Variants in SRGAP3 observed in about 807,000 individuals in gnomAD.
SRGAP3 encodes SLIT-ROBO Rho GTPase activating protein 3.
A neutral mutation model predicts 121.1 loss-of-function variants in SRGAP3; 39 were observed. That is an observed-to-expected ratio of 0.32 (90% CI 0.25 to 0.42). SRGAP3 has a LOEUF of 0.42. Among genes scored for constraint, SRGAP3 ranks in the 10% least tolerant of loss-of-function variants. SRGAP3 has a pLI of 1.00. For synonymous variants in SRGAP3, 601 were observed against 570.0 expected (o/e 1.05, Z -0.77); for missense variants, 1,213 against 1,470.6 (o/e 0.82, Z 2.86).
upstream of SRGAP3, among the ~76,000 whole-genome samples, chr3:9,253,537 A>G (rs190042757): frequency 5.3e-4 from 81 of 152,160 alleles, no homozygotes; most frequent in Non-Finnish European, 1.2e-4. Flanking sequence ...TTTTTGGTTG[A>G]AAGTACTTTT....
chr3:9,262,825 T>A (rs1294111611), intron 3 of SRGAP3, among the ~76,000 whole-genome samples: 3 of 152,010 alleles, frequency 2.0e-5, no homozygotes, highest in Non-Finnish European at 4.4e-5. Flanking sequence ...AACAGAAAAT[T>A]AACAAGGATA....
rs772883296 is a variant in SRGAP3 at position 9,060,261 on chromosome 3, G to A, written c.771C>T (p.Tyr257=). 28 of 1,614,152 alleles carry A rather than the reference G, an allele frequency of 1.7e-5. No homozygotes were observed. The highest frequency in any genetic ancestry group is 1.6e-4 in the South Asian group (15 of 91,088). Residue 257 remains tyrosine (Y), a synonymous_variant, in exon 6 of 22, where the codon TAC becomes TAT. Coordinates refer to ENST00000383836, the MANE Select transcript of SRGAP3 (RefSeq NM_014850.4). ...TCAGATCAGAGACATCATGGATGTA[G>A]TATTTGCTTATAGCTGCGTTGGTGG... is the stretch of plus-strand genomic sequence containing the variant. The part of the protein sequence containing the change: ...LAATNAAISK[Y]YIHDVSDLID...
intron 18 of SRGAP3, among the ~76,000 whole-genome samples, chr3:8,998,123 G>A (rs1039531892): frequency 1.3e-5 from 2 of 152,030 alleles, no homozygotes; most frequent in African/African-American, 2.4e-5. Context: ...TTCTGGACTC[G>A]AGTGATCCTC....
At chr3:9,130,742 T>G (rs915016282) in intron 1 of SRGAP3, among the ~76,000 whole-genome samples, 5 of 152,250 alleles carry the variant, frequency 3.3e-5, no homozygotes, top group African/African-American at 1.2e-4. Flanking sequence ...GCATTCTTTT[T>G]GTAGCAAGAT....
intron 2 of SRGAP3, among the ~76,000 whole-genome samples, chr3:9,119,140 G>A (rs140542223): frequency 0.01 from 1,549 of 152,224 alleles, 33 homozygotes; most frequent in African/African-American, 0.035. Context: ...TGACAATACA[G>A]GGCTGTAGCT....
intron 1 of SRGAP3, among the ~76,000 whole-genome samples, chr3:9,187,817 G>A (rs1440454034): frequency 4.6e-5 from 7 of 152,282 alleles, no homozygotes; most frequent in South Asian, 2.1e-4. Flanking sequence ...GGCCGTGTAC[G>A]ACGTGACTTA....
At chr3:9,362,691 A>G (rs1265577157) in intron 1 of SRGAP3, 2 of 152,164 alleles carry the variant, frequency 1.3e-5, no homozygotes, top group African/African-American at 4.8e-5. Context: ...ATCAGGAACT[A>G]GTGGCATGAC....
chr3:9,056,302 C>T lies in SRGAP3; in HGVS notation c.1056G>A (p.Gln352=). 2 of 1,613,800 alleles carry T rather than the reference C, an allele frequency of 1.2e-6. No homozygotes were observed. Among genetic ancestry groups the T allele is most frequent in the Non-Finnish European group, 1.7e-6 (2 of 1,179,992 alleles). ...VCQVSAQQPV[Q]TELLMRYHQL... is the part of the protein sequence containing the mutation. The stretch of plus-strand genomic sequence containing the variant: ...GGTGATAACGCATGAGCAGTTCTGT[C>T]TGGACGGGCTGCTGAGCGCTGACCT... The change falls in exon 8 of 22, where the codon CAG becomes CAA. Residue 352 remains glutamine, a synonymous_variant. Transcript: ENST00000383836.
rs1026258538 is a variant in SRGAP3, at chr3:8,987,589, T to C, written c.2887-1657A>G. Reference sequence around the variant, plus strand: ...GCCACATGGCAGGCTTCAATCTGGCTGGGGTCAGGGCCCAGAGCTCTTGCT... The same window carrying C: ...GCCACATGGCAGGCTTCAATCTGGCCGGGGTCAGGGCCCAGAGCTCTTGCT... On this transcript the variant is annotated intron_variant, in intron 21 of 21. Transcript: ENST00000383836. Among the ~76,000 whole-genome samples the C allele has an allele frequency of 4.5e-4, 58 of 129,656 alleles. 1 individual carries two copies. Among genetic ancestry groups the C allele is most frequent in the Non-Finnish European group, 5.5e-4 (37 of 67,760 alleles). 85.1% of individuals were successfully genotyped at this position (129,656 alleles called of 152,430 possible). A position where few individuals can be genotyped will look rare whatever the true frequency, so the allele number is the denominator to read the frequency against.
intron 3 of SRGAP3, among the ~76,000 whole-genome samples, chr3:9,268,892 G>T (rs905453052): frequency 2.6e-5 from 4 of 152,124 alleles, no homozygotes; most frequent in African/African-American, 9.7e-5. Context: ...TGATATAGGT[G>T]CCTCTTGCTC....
rs776913830 is a variant in SRGAP3 at position 8,985,647 on chromosome 3, G to A, written c.3172C>T (p.Arg1058Trp). 13 of 1,595,324 alleles carry A rather than the reference G, an allele frequency of 8.1e-6. No individual in the cohort carries two copies. The highest frequency in any genetic ancestry group is 1.1e-5 in the Non-Finnish European group (13 of 1,177,798). ...TGCTGGACCACCGGCCGCACGGGCC[G>A]CATGGGGGGCGGGCGGAGCTGGGCG... ...AGAQLRPPPMRPVRPVVQHRS... is the reference protein window; with the variant it reads ...AGAQLRPPPMWPVRPVVQHRS... The change falls in exon 22 of 22, where the codon CGG becomes TGG. Residue 1058 changes from arginine (R) to tryptophan (W), a missense_variant. By Grantham distance (101) the Arg-to-Trp change is moderately radical (BLOSUM62 -3). Around this residue, in one of 2 missense-constraint regions of SRGAP3, gnomAD observed 420 missense variants for 437.7 expected, o/e 0.96. Coordinates refer to ENST00000383836, the MANE Select transcript of SRGAP3 (RefSeq NM_014850.4). The surrounding 1 kb of genome is among the most constrained non-coding windows in gnomAD (Gnocchi z 5.1).
chr3:9,171,900 G>A (rs1217135300), intron 1 of SRGAP3, among the ~76,000 whole-genome samples: 1 of 152,084 alleles, frequency 6.6e-6, no homozygotes, highest in Non-Finnish European at 1.5e-5. Context: ...CCAAGGCTGT[G>A]AGGGTGAATC....
At chr3:9,242,406 G>A (rs143847405) in intron 1 of SRGAP3, among the ~76,000 whole-genome samples, 6,758 of 152,306 alleles carry the variant, frequency 0.044, 163 homozygotes, top group South Asian at 0.098. Flanking sequence ...AGGCCGAGGC[G>A]GGTGGATCAC....
intron 3 of SRGAP3, among the ~76,000 whole-genome samples, chr3:9,273,177 GT>G (rs1367715800): frequency 6.6e-6 from 1 of 152,166 alleles, no homozygotes; most frequent in Non-Finnish European, 1.5e-5. Flanking sequence ...TCACAATAGG[GT>G]TTGCGCTCCT....
intron 1 of SRGAP3, chr3:9,349,196 C>A: frequency 7.2e-6 from 5 of 695,700 alleles, no homozygotes; most frequent in Non-Finnish European, 1.3e-5. Flanking sequence ...GAAGTAAAGG[C>A]CAGCGGGCAG....
chr3:9,090,570 G>A (rs1947711382), intron 3 of SRGAP3, among the ~76,000 whole-genome samples: 1 of 152,272 alleles, frequency 6.6e-6, no homozygotes, highest in Non-Finnish European at 1.5e-5. Context: ...GCTTTTTAGG[G>A]AAAACTCTCA....
intron 1 of SRGAP3, among the ~76,000 whole-genome samples, chr3:9,126,772 G>A (rs1949250227): frequency 6.6e-6 from 1 of 152,092 alleles, no homozygotes; most frequent in South Asian, 2.1e-4. Flanking sequence ...AGACTCAGAA[G>A]GGTGAGGGGG....
chr3:9,358,247 C>T (rs1313481844), intron 1 of SRGAP3, among the ~76,000 whole-genome samples: 1 of 151,870 alleles, frequency 6.6e-6, no homozygotes, highest in South Asian at 2.1e-4. Context: ...CCCCCTACTT[C>T]CCCCAGCCCT....
intron 1 of SRGAP3, among the ~76,000 whole-genome samples, chr3:9,224,096 A>G (rs1053586544): frequency 1.3e-5 from 2 of 152,154 alleles, no homozygotes; most frequent in African/African-American, 4.8e-5. Flanking sequence ...CGCCTGCAAC[A>G]AACACATGCA....
Sources: gnomAD v4.1 joint callset for allele counts (sites outside exome capture counted in the v4.1 genomes callset) on GRCh38, gnomAD v4.1.1 for gene constraint, gnomAD v4.1.1 regional missense constraint, Gnocchi (gnomAD v3.1) non-coding constraint, MANE v1.5 for transcripts, NCBI Gene and HGNC (gene_info 2026-07-23, HGNC 2026-07-21) for gene names.